ZNF521: variants seen among roughly 807,000 people sequenced by gnomAD.
ZNF521 encodes the protein LYST-interacting protein 3.
ZNF521 carries 14 observed loss-of-function variants against 105.5 expected under a neutral mutation model. That is an observed-to-expected ratio of 0.13 (90% CI 0.09 to 0.21). The LOEUF (loss-of-function observed/expected upper bound fraction) is 0.21. Among genes scored for constraint, ZNF521 ranks in the 10% least tolerant of loss-of-function variants. The pLI is 1.00. For synonymous variants in ZNF521, 635 were observed against 606.0 expected (o/e 1.05, Z -0.70); for missense variants, 1,233 against 1,629.7 (o/e 0.76, Z 4.19).
At chr18:25,351,039 C>T (rs374510482) in intron 1 of ZNF521, 92 bp from the exon 2 acceptor site, 8 of 1,092,540 alleles carry the variant, frequency 7.3e-6, no homozygotes, top group Non-Finnish European at 9.6e-6. Context: ...CGGCGCCTCG[C>T]GCCCTCCGCT....
Position 25,310,672 on chromosome 18 carries a change from T to A in ZNF521, c.220+11336A>T, listed in dbSNP as rs78220363. On this transcript the variant is annotated intron_variant, in intron 3 of 7. Transcript: ENST00000361524. ...TCAGTTATGATTATCTTTGGTCCTATTGGGTTCTTACTCACCCTTCAGATT... is the reference window on the plus strand; with the variant it reads ...TCAGTTATGATTATCTTTGGTCCTAATGGGTTCTTACTCACCCTTCAGATT... 8.5e-3 allele frequency among the ~76,000 whole-genome samples: 1,292 copies of A among 152,258 alleles called. 92 individuals carry two copies. In the East Asian group the frequency reaches 0.2, roughly 23 times the overall value.
At chr18:25,080,883 A>G (rs1285226877) in intron 7 of ZNF521, among the ~76,000 whole-genome samples, 1 of 152,256 alleles carries the variant, frequency 6.6e-6, no homozygotes, top group African/African-American at 2.4e-5. Context: ...TGGCAATTCC[A>G]TGTGCCTCTC....
At chr18:25,248,478 T>G (rs1907882983) in intron 3 of ZNF521, among the ~76,000 whole-genome samples, 2 of 152,248 alleles carry the variant, frequency 1.3e-5, no homozygotes, top group African/African-American at 4.8e-5. Context: ...AAACGTAAAC[T>G]TCTTCATCAT....
At chr18:25,236,265 G>A (rs775023283) in intron 3 of ZNF521, among the ~76,000 whole-genome samples, 1 of 152,218 alleles carries the variant, frequency 6.6e-6, no homozygotes, top group African/African-American at 2.4e-5. Flanking sequence ...GCTGGGCGCG[G>A]TGGCTCACGC....
intron 2 of ZNF521, among the ~76,000 whole-genome samples, chr18:25,339,035 C>G (rs970470481): frequency 3.9e-5 from 6 of 152,152 alleles, no homozygotes; most frequent in Non-Finnish European, 8.8e-5. Context: ...AGGTAGTTTA[C>G]TTAGAATGGG....
intron 5 of ZNF521, among the ~76,000 whole-genome samples, 168 bp from the exon 6 acceptor site, chr18:25,092,249 A>G (rs1309832480): frequency 6.6e-6 from 1 of 152,224 alleles, no homozygotes; most frequent in African/African-American, 2.4e-5. Flanking sequence ...GTTTATATCA[A>G]TTTAAAACAG....
At chr18:25,202,968 GTC>G in intron 4 of ZNF521, 1 of 152,292 alleles carries the variant, frequency 6.6e-6, no homozygotes, top group Admixed American at 6.5e-5. Context: ...GGATGCTATT[GTC>G]TTACAGTGGT....
rs528655029 is a variant in ZNF521, at chr18:25,288,977, A to AT, written c.220+33030dup. ...ACTTAAGGCTATTGATAATAAAAGC[A>AT]TTTTTTTTAACTTTCCTTCTCCTTA... On this transcript the variant is annotated intron_variant, in intron 3 of 7. Coordinates refer to ENST00000361524, the MANE Select transcript of ZNF521 (RefSeq NM_015461.3). Among the ~76,000 whole-genome samples the AT allele has an allele frequency of 2.9e-3, 434 of 152,200 alleles. 1 individual carries two copies. The highest frequency in any genetic ancestry group is 9.4e-3 in the African/African-American group (392 of 41,538).
At chr18:25,106,916 T>G (rs891706326) in intron 5 of ZNF521, among the ~76,000 whole-genome samples, 1 of 152,182 alleles carries the variant, frequency 6.6e-6, no homozygotes, top group East Asian at 1.9e-4. Context: ...CCTGGTATGT[T>G]AGCAAACACA....
chr18:25,261,933 T>C (rs1908939990), intron 3 of ZNF521, among the ~76,000 whole-genome samples: 1 of 152,162 alleles, frequency 6.6e-6, no homozygotes, highest in South Asian at 2.1e-4. Flanking sequence ...GCCAGGAGTT[T>C]TTAAACAAAC....
At chr18:25,075,053 C>T (rs140835812) in intron 7 of ZNF521, among the ~76,000 whole-genome samples, 2 of 152,234 alleles carry the variant, frequency 1.3e-5, no homozygotes, top group Admixed American at 6.5e-5. Context: ...TAACAGAGGG[C>T]CAGGCGGCAG....
intron 5 of ZNF521, among the ~76,000 whole-genome samples, chr18:25,186,919 A>AC (rs35179135): frequency 6.7e-6 from 1 of 149,252 alleles, no homozygotes; most frequent in South Asian, 2.1e-4. Flanking sequence ...AAAAAAAAAA[A>AC]AAGAAAAAGA....
At chr18:25,344,571 T>C (rs748056740) in intron 2 of ZNF521, among the ~76,000 whole-genome samples, 6 of 152,176 alleles carry the variant, frequency 3.9e-5, no homozygotes, top group African/African-American at 7.2e-5. Context: ...GAACTAACTT[T>C]AACCTTTGAC....
At chr18:25,192,508 T>C (rs982625670) in intron 5 of ZNF521, among the ~76,000 whole-genome samples, 4 of 152,114 alleles carry the variant, frequency 2.6e-5, no homozygotes, top group Non-Finnish European at 4.4e-5. Context: ...CCTCATTGGG[T>C]CATCTGTAGA....
chr18:25,130,477 C>T (rs143542758), intron 5 of ZNF521, among the ~76,000 whole-genome samples: 1,603 of 152,108 alleles, frequency 0.011, 10 homozygotes, highest in South Asian at 0.017. Context: ...TAATATAAAC[C>T]GTGAACTTTA....
chr18:25,103,004 G>A (rs183794553), intron 5 of ZNF521, among the ~76,000 whole-genome samples: 5 of 152,198 alleles, frequency 3.3e-5, no homozygotes, highest in African/African-American at 1.2e-4. Context: ...TACTGTTAAA[G>A]TCTCTCTCAC....
chr18:25,346,271 T>C (rs1914460176), intron 2 of ZNF521, among the ~76,000 whole-genome samples: 1 of 151,936 alleles, frequency 6.6e-6, no homozygotes, highest in East Asian at 1.9e-4. Flanking sequence ...ATATGAAATA[T>C]AAGAGAAACA....
At chr18:25,093,813 T>C (rs1248507445) in intron 5 of ZNF521, among the ~76,000 whole-genome samples, 2 of 149,292 alleles carry the variant, frequency 1.3e-5, no homozygotes, top group Non-Finnish European at 3.0e-5. Flanking sequence ...AGGGATTATA[T>C]AAGATCAAGG....
At chr18:25,084,996 T>C (rs1290343081) in intron 7 of ZNF521, among the ~76,000 whole-genome samples, 2 of 152,304 alleles carry the variant, frequency 1.3e-5, no homozygotes, top group Middle Eastern at 3.4e-3. Flanking sequence ...CTGAAAAATT[T>C]TGAGGTCTAT....
Sources: allele counts gnomAD v4.1 joint callset (sites outside exome capture counted in the v4.1 genomes callset), GRCh38; gene constraint gnomAD v4.1.1; transcripts MANE v1.5; gene names NCBI Gene and HGNC (gene_info 2026-07-23, HGNC 2026-07-21).